The following KCNJ5 variants were observed in gnomAD, a reference collection of about 807,000 sequenced individuals.
KCNJ5 encodes potassium inwardly rectifying channel subfamily J member 5.
Under a neutral mutation model 20.2 loss-of-function variants are expected in KCNJ5, and 12 were observed. The ratio of observed to expected loss-of-function variants is 0.59; its 90% CI spans 0.38 to 0.96. KCNJ5 has a LOEUF of 0.96. Among genes scored for constraint, KCNJ5 ranks in the 40% least tolerant of loss-of-function variants. KCNJ5 has a pLI of 0.00. For synonymous variants in KCNJ5, 210 were observed against 213.9 expected (o/e 0.98, Z 0.16); for missense variants, 449 against 557.6 (o/e 0.81, Z 1.96).
chr11:128,916,349 A>G, intron 2 of KCNJ5, 60 bp from the exon 3 acceptor site: 1 of 1,256,382 alleles, frequency 8.0e-7, no homozygotes, highest in Non-Finnish European at 1.2e-6. Flanking sequence ...TGAATGGATG[A>G]ATGGATGGAT....
At chr11:128,909,068 T>C (rs1944464930) in intron 1 of KCNJ5, among the ~76,000 whole-genome samples, 1 of 152,206 alleles carries the variant, frequency 6.6e-6, no homozygotes, top group Admixed American at 6.5e-5. Flanking sequence ...AAATGGCCAA[T>C]GGACATCTGG....
In KCNJ5 at chr11:128,895,384, C is replaced by CA. The variant is rs970217690; in HGVS notation, c.-11+3663_-11+3664insA. 2.5e-3 allele frequency among the ~76,000 whole-genome samples: 110 copies of CA among 44,734 alleles called. 2 individuals are homozygous for CA. The Middle Eastern group carries it at 0.03, about 12-fold the overall frequency. 29.3% of individuals were successfully genotyped at this position (44,734 alleles called of 152,430 possible). A position where few individuals can be genotyped will look rare whatever the true frequency, so the allele number is the denominator to read the frequency against. On this transcript the variant is annotated intron_variant, in intron 1 of 2. Coordinates refer to ENST00000529694, the MANE Select transcript of KCNJ5 (RefSeq NM_000890.5). ...TCTTCCCCTTAGAGTGTGCCCCCAC[C>CA]CCCCCCCCAACCCCAGGGATGACTG...
rs1006776114 is a variant in KCNJ5 at position 128,921,026 on chromosome 11, T to A, written c.*4295T>A. 6.6e-6 allele frequency: 1 copy of A among 152,238 alleles called. No individual in the cohort carries two copies. Among genetic ancestry groups the A allele is most frequent in the Non-Finnish European group, 1.5e-5 (1 of 68,044 alleles). The allele number at this position is 152,238 out of a possible 1,614,324, so 9.4% of individuals were successfully genotyped here. A position where few individuals can be genotyped will look rare whatever the true frequency, so the allele number is the denominator to read the frequency against. On this transcript the variant is annotated 3_prime_UTR_variant, in exon 3 of 3. Coordinates refer to ENST00000529694, the MANE Select transcript of KCNJ5 (RefSeq NM_000890.5). ...AAGCCACTTACTCGGCTCGCCTTGG[T>A]TTTTGCTAACAACGTCTCCTTAAAC...
At chr11:128,912,420 A>G (rs1363285748) in intron 2 of KCNJ5, among the ~76,000 whole-genome samples, 1 of 152,230 alleles carries the variant, frequency 6.6e-6, no homozygotes, top group African/African-American at 2.4e-5. Context: ...CCCAACTTTC[A>G]GGCACTGTCC....
intron 1 of KCNJ5, among the ~76,000 whole-genome samples, chr11:128,903,902 C>CG (rs1944341931): frequency 6.6e-6 from 1 of 152,048 alleles, no homozygotes; most frequent in Non-Finnish European, 1.5e-5. Context: ...GGTGCTCCCC[C>CG]CGGGACTCAG....
At chr11:128,910,591 C>T (rs1023468385) in intron 1 of KCNJ5, among the ~76,000 whole-genome samples, 3 of 152,234 alleles carry the variant, frequency 2.0e-5, no homozygotes, top group East Asian at 3.8e-4. Flanking sequence ...CAAAAATCAG[C>T]TCTGCCTGAT....
At chr11:128,906,631 A>T (rs1415940667) in intron 1 of KCNJ5, among the ~76,000 whole-genome samples, 1 of 152,224 alleles carries the variant, frequency 6.6e-6, no homozygotes, top group Non-Finnish European at 1.5e-5. Context: ...CTCAGCTCCC[A>T]GAGGTCACCC....
intron 1 of KCNJ5, among the ~76,000 whole-genome samples, chr11:128,904,913 T>C (rs1480926831): frequency 1.3e-5 from 2 of 152,160 alleles, no homozygotes; most frequent in Non-Finnish European, 2.9e-5. Context: ...ATAGAACAAA[T>C]AGCTGCAAAA....
chr11:128,903,324 G>C (rs781193701), intron 1 of KCNJ5: 1 of 1,610,212 alleles, frequency 6.2e-7, no homozygotes, highest in Admixed American at 1.7e-5. Context: ...AGGATGTAGA[G>C]TGTGTCTGTG....
At position 128,911,998 on chromosome 11, in the gene KCNJ5, G is replaced by A. The variant is rs746240972; in HGVS notation, c.725G>A (p.Arg242Gln). Residue 242 changes from arginine (R) to glutamine (Q), a missense_variant, in exon 2 of 3, where the codon CGG (arginine) becomes CAG (glutamine). Around this residue, in one of 5 missense-constraint regions of KCNJ5, gnomAD observed 145 missense variants for 166.2 expected, o/e 0.87. Transcript: ENST00000529694. The surrounding 1 kb of genome is among the most constrained non-coding windows in gnomAD (Gnocchi z 6.3). ...ASIRAKLIKSRQTKEGEFIPL... is the reference protein window; with the variant it reads ...ASIRAKLIKSQQTKEGEFIPL... ...ATCCGGGCCAAGCTCATCAAGTCCCGGCAGACCAAAGAGGGGGAGTTCATC... is the reference window on the plus strand; with the variant it reads ...ATCCGGGCCAAGCTCATCAAGTCCCAGCAGACCAAAGAGGGGGAGTTCATC... 36 of 1,608,498 alleles carry A rather than the reference G, an allele frequency of 2.2e-5. No individual in the cohort carries two copies. The highest frequency in any genetic ancestry group is 3.3e-5 in the South Asian group (3 of 90,618).
Position 128,911,090 on chromosome 11 carries a change from A to C in KCNJ5, c.-10-174A>C, listed in dbSNP as rs917928332. The C allele has an allele frequency of 1.6e-6, 1 of 623,200 alleles. No individual in the cohort carries two copies. The highest frequency in any genetic ancestry group is 2.8e-6 in the Non-Finnish European group (1 of 350,968). 38.6% of individuals were successfully genotyped at this position (623,200 alleles called of 1,614,324 possible). A position where few individuals can be genotyped will look rare whatever the true frequency, so the allele number is the denominator to read the frequency against. ...CTAGACTCTGTACTAGGCACCAGGG[A>C]TACAAAAGAACCCTATAAGAGAGTG... On this transcript the variant is annotated intron_variant, in intron 1 of 2. Transcript: ENST00000529694. This position sits in a 1 kb window ranked among gnomAD's most constrained non-coding sequence, Gnocchi z 6.3.
chr11:128,904,559 G>C (rs143711749), intron 1 of KCNJ5: 16 of 1,110,208 alleles, frequency 1.4e-5, no homozygotes, highest in South Asian at 2.5e-5. Context: ...GACCAGCCGC[G>C]TCAACATCAC....
At chr11:128,903,497 C>G (rs749983858) in intron 1 of KCNJ5, 1 of 1,614,170 alleles carries the variant, frequency 6.2e-7, no homozygotes, top group South Asian at 1.1e-5. Flanking sequence ...TCACTCCTGA[C>G]AGAGGCAGAC....
intron 1 of KCNJ5, among the ~76,000 whole-genome samples, chr11:128,895,071 G>A (rs1944151891): frequency 6.7e-6 from 1 of 149,040 alleles, no homozygotes; most frequent in Non-Finnish European, 1.5e-5. Flanking sequence ...TGGCCAGATA[G>A]TATGGGGGAC....
Position 128,916,439 on chromosome 11 carries a change from T to C in KCNJ5, c.968T>C (p.Met323Thr), listed in dbSNP as rs886048011. ...GMTCQARSSY[M>T]DTEVLWGHRF... ...ACCTGCCAAGCCCGGAGCTCCTACATGGATACAGAGGTGCTCTGGGGCCAC... is the reference window on the plus strand; with the variant it reads ...ACCTGCCAAGCCCGGAGCTCCTACACGGATACAGAGGTGCTCTGGGGCCAC... Residue 323 changes from methionine (M) to threonine (T), a missense_variant, in exon 3 of 3, where the codon ATG (methionine) becomes ACG (threonine). By Grantham distance (81) the Met-to-Thr change is moderately conservative. Transcript: ENST00000529694. 5.0e-6 allele frequency: 8 copies of C among 1,614,230 alleles called. No individual in the cohort carries two copies. Among genetic ancestry groups the C allele is most frequent in the Non-Finnish European group, 6.8e-6 (8 of 1,180,038 alleles).
intron 2 of KCNJ5, among the ~76,000 whole-genome samples, chr11:128,913,820 C>G (rs572326854): frequency 6.6e-6 from 1 of 152,348 alleles, no homozygotes; most frequent in Non-Finnish European, 1.5e-5. Context: ...TCTCACCACT[C>G]TGCCCCACTA....
intron 1 of KCNJ5, among the ~76,000 whole-genome samples, chr11:128,898,961 T>G (rs1944220448): frequency 6.6e-6 from 1 of 152,268 alleles, no homozygotes; most frequent in South Asian, 2.1e-4. Context: ...ATTACAGGCG[T>G]GAGCCGCCGT....
At chr11:128,910,835 T>G (rs1395560828) in intron 1 of KCNJ5, among the ~76,000 whole-genome samples, 1 of 152,178 alleles carries the variant, frequency 6.6e-6, no homozygotes, top group Non-Finnish European at 1.5e-5. Flanking sequence ...AATATAGTAT[T>G]TATATAGTGG....
intron 2 of KCNJ5, among the ~76,000 whole-genome samples, chr11:128,915,466 C>T (rs934781955): frequency 2.0e-5 from 3 of 152,172 alleles, no homozygotes; most frequent in Admixed American, 6.5e-5. Flanking sequence ...TCAGATTCTC[C>T]GTGTTCATTC....
Sources: allele counts gnomAD v4.1 joint callset (sites outside exome capture counted in the v4.1 genomes callset), GRCh38; gene constraint gnomAD v4.1.1; regional missense constraint gnomAD v4.1.1; non-coding constraint Gnocchi (gnomAD v3.1); transcripts MANE v1.5; gene names NCBI Gene and HGNC (gene_info 2026-07-23, HGNC 2026-07-21).